The following PKP4 variants were observed in gnomAD, a reference collection of about 807,000 sequenced individuals.
PKP4 encodes plakophilin-4.
PKP4 carries 90 observed loss-of-function variants against 145.1 expected under a neutral mutation model. The ratio of observed to expected loss-of-function variants is 0.62; its 90% CI spans 0.52 to 0.74. PKP4 has a LOEUF of 0.74. Among genes scored for constraint, PKP4 ranks in the 30% least tolerant of loss-of-function variants. The pLI is 0.00. For synonymous variants in PKP4, 563 were observed against 577.2 expected, an observed-to-expected ratio of 0.98 and a Z score of 0.35; for missense variants, 1,340 against 1,482.7, an observed-to-expected ratio of 0.90 and a Z score of 1.58.
At chr2:158,514,612 T>C (rs1238385258) in intron 1 of PKP4, among the ~76,000 whole-genome samples, 1 of 152,094 alleles carries the variant, frequency 6.6e-6, no homozygotes, top group South Asian at 2.1e-4. Flanking sequence ...AATCAAGAGG[T>C]TTTTTTTCTT....
chr2:158,482,155 A>T (rs1693456046), intron 1 of PKP4, among the ~76,000 whole-genome samples: 1 of 152,276 alleles, frequency 6.6e-6, no homozygotes, highest in Admixed American at 6.5e-5. Flanking sequence ...CCACATTTCA[A>T]GTGTTCAGTA....
intron 6 of PKP4, among the ~76,000 whole-genome samples, 179 bp downstream of exon 6, chr2:158,621,600 G>A (rs779840068): frequency 1.3e-5 from 2 of 152,062 alleles, no homozygotes; most frequent in African/African-American, 2.4e-5. Context: ...ACAAAAATTA[G>A]CCGGGCGTGG....
intron 4 of PKP4, 50 bp from the exon 5 acceptor site, chr2:158,620,939 GT>G (rs1398548915): frequency 1.3e-6 from 2 of 1,540,858 alleles, no homozygotes; most frequent in African/African-American, 2.7e-5. Flanking sequence ...TTTTTAGCAA[GT>G]TTTTATGTAA....
intron 11 of PKP4, among the ~76,000 whole-genome samples, chr2:158,652,186 C>T (rs2055427786): frequency 6.6e-6 from 1 of 152,202 alleles, no homozygotes; most frequent in Non-Finnish European, 1.5e-5. Flanking sequence ...TTTGTGTTCA[C>T]TTCTTCGTAC....
At position 158,666,578 on chromosome 2, in the gene PKP4, C is replaced by A; in HGVS notation, c.2728+15C>A. The stretch of plus-strand genomic sequence containing the variant: ...GGAGCTCATAGGTATGTTCTGGTGA[C>A]AAGATGAGCTGTAAATGTGAGAGCA... On this transcript the variant is annotated intron_variant, in intron 16 of 21. Transcript: ENST00000389759. 6.3e-7 allele frequency: 1 copy of A among 1,584,022 alleles called. No homozygotes were observed. The highest frequency in any genetic ancestry group is 8.6e-7 in the Non-Finnish European group (1 of 1,168,582).
At chr2:158,587,602 TTATTAC>T (rs1214658418) in intron 3 of PKP4, among the ~76,000 whole-genome samples, 1 of 152,090 alleles carries the variant, frequency 6.6e-6, no homozygotes, top group African/African-American at 2.4e-5. Flanking sequence ...CTGTATTTTC[TTATTAC>T]TATTATTATT....
chr2:158,666,779 T>A, intron 16 of PKP4: 2 of 396,796 alleles, frequency 5.0e-6, no homozygotes, highest in Non-Finnish European at 8.9e-6. Context: ...GAAGGTAAAT[T>A]TTCAGAAAGG....
chr2:158,543,509 T>C (rs558621257), intron 2 of PKP4, among the ~76,000 whole-genome samples: 99 of 152,304 alleles, frequency 6.5e-4, no homozygotes, highest in African/African-American at 2.3e-3. Context: ...CTCCATGCAG[T>C]TGTGAATGTT....
At chr2:158,557,605 T>A (rs1384705332) in intron 2 of PKP4, among the ~76,000 whole-genome samples, 3 of 152,244 alleles carry the variant, frequency 2.0e-5, no homozygotes, top group Admixed American at 6.5e-5. Flanking sequence ...TGCCAGATCC[T>A]GTATTTTTAC....
intron 3 of PKP4, chr2:158,578,223 T>C (rs2048027893): frequency 4.2e-6 from 1 of 236,026 alleles, no homozygotes; most frequent in Non-Finnish European, 9.2e-6. Context: ...ATTCTGTCTG[T>C]TGTTTCTGAT....
chr2:158,499,829 A>G (rs1696292048), intron 1 of PKP4, among the ~76,000 whole-genome samples: 1 of 152,268 alleles, frequency 6.6e-6, no homozygotes, highest in Non-Finnish European at 1.5e-5. Context: ...CTTGAATAAA[A>G]TGAATGATGT....
chr2:158,534,821 C>G (rs1040146972), intron 2 of PKP4, among the ~76,000 whole-genome samples: 15 of 152,252 alleles, frequency 9.9e-5, no homozygotes, highest in African/African-American at 3.1e-4. Flanking sequence ...ATTTTATCTT[C>G]TGGCAGTAAA....
intron 4 of PKP4, among the ~76,000 whole-genome samples, chr2:158,613,063 A>G (rs1275840864): frequency 2.6e-5 from 4 of 152,186 alleles, no homozygotes; most frequent in African/African-American, 4.8e-5. Flanking sequence ...CTCACTCCAG[A>G]GGTTCCTACA....
In PKP4 at chr2:158,680,686, T is replaced by TTTCTAAGCTCTATTTAG; in HGVS notation, c.*9_*10insTTCTAAGCTCTATTTAG. On this transcript the variant is annotated 3_prime_UTR_variant, in exon 22 of 22. Transcript: ENST00000389759. ...CAGACTCATGGGTGTAGCATCAAGA[T>TTTCTAAGCTCTATTTAG]GCCCAACAGAGGAACTCTTTCTTTC... The TTTCTAAGCTCTATTTAG allele has an allele frequency of 6.3e-7, 1 of 1,596,972 alleles. No homozygotes were observed. Among genetic ancestry groups the TTTCTAAGCTCTATTTAG allele is most frequent in the Admixed American group, 1.8e-5 (1 of 56,060 alleles).
chr2:158,520,260 T>A (rs992679962), intron 1 of PKP4, among the ~76,000 whole-genome samples: 5 of 152,184 alleles, frequency 3.3e-5, no homozygotes, highest in African/African-American at 1.2e-4. Context: ...TCTGGTGTTA[T>A]ATGTTAACCG....
intron 1 of PKP4, among the ~76,000 whole-genome samples, chr2:158,518,640 T>G (rs1022421519): frequency 6.6e-6 from 1 of 152,240 alleles, no homozygotes; most frequent in African/African-American, 2.4e-5. Flanking sequence ...GTCCTAAACC[T>G]TCCTCTGTCA....
At chr2:158,474,824 CA>C (rs1473778396) in intron 1 of PKP4, among the ~76,000 whole-genome samples, 2 of 152,164 alleles carry the variant, frequency 1.3e-5, no homozygotes, top group Non-Finnish European at 2.9e-5. Flanking sequence ...AAATTAGCAT[CA>C]GGGGAGGTCC....
intron 1 of PKP4, among the ~76,000 whole-genome samples, chr2:158,493,357 G>GT (rs1265820953): frequency 1.3e-5 from 2 of 152,046 alleles, no homozygotes; most frequent in Non-Finnish European, 2.9e-5. Flanking sequence ...AAATCCAAGT[G>GT]TTTTTTCCAC....
chr2:158,562,029 C>T (rs561585862), intron 2 of PKP4, among the ~76,000 whole-genome samples: 1 of 147,468 alleles, frequency 6.8e-6, no homozygotes, highest in African/African-American at 2.5e-5. Context: ...AAGAAAAAGT[C>T]ATAGAACTGT....
Sources: allele counts gnomAD v4.1 joint callset (sites outside exome capture counted in the v4.1 genomes callset), GRCh38; gene constraint gnomAD v4.1.1; transcripts MANE v1.5; gene names NCBI Gene and HGNC (gene_info 2026-07-23, HGNC 2026-07-21).